NIBAN3: variants seen among roughly 807,000 people sequenced by gnomAD.
NIBAN3 encodes the protein niban apoptosis regulator 3.
A neutral mutation model predicts 76.4 loss-of-function variants in NIBAN3; 66 were observed. The observed-to-expected ratio is 0.86, with a 90% confidence interval of 0.71 to 1.06. NIBAN3 has a LOEUF of 1.06. Among genes scored for constraint, NIBAN3 ranks in the 50% least tolerant of loss-of-function variants. NIBAN3 has a pLI of 0.00. For missense variants in NIBAN3, 808 were observed against 810.7 expected (o/e 1.00, Z 0.04); for synonymous variants, 360 against 355.2 (o/e 1.01, Z -0.15).
In NIBAN3 at chr19:17,530,886, G is replaced by T; in HGVS notation, c.186+1G>T. The T allele has an allele frequency of 6.2e-7, 1 of 1,612,764 alleles. No homozygotes were observed. The highest frequency in any genetic ancestry group is 8.5e-7 in the Non-Finnish European group (1 of 1,179,580). ...CGGAAGCCAGTTGCTACGCAGCAAA[G>T]TGGGTGTTGTGGGGGCAGAGGACGT... On this transcript the variant is annotated splice_donor_variant, in intron 2 of 14. Coordinates refer to ENST00000599164, the MANE Select transcript of NIBAN3 (RefSeq NM_001321827.2). LOFTEE classifies it high-confidence loss of function.
At chr19:17,530,531 CAAAAAAAAAAAAAAAA>C (rs558680407) in intron 1 of NIBAN3, among the ~76,000 whole-genome samples, 2 of 46,362 alleles carry the variant, frequency 4.3e-5, no homozygotes, top group Non-Finnish European at 9.1e-5. Flanking sequence ...GACTCCATCT[CAAAAAAAAAAAAAAAA>C]AAAAAAAAAA....
Position 17,530,887 on chromosome 19 carries a change from T to G in NIBAN3, c.186+2T>G. 1 of 1,612,384 alleles carries G rather than the reference T, an allele frequency of 6.2e-7. No individual in the cohort carries two copies. Among genetic ancestry groups the G allele is most frequent in the East Asian group, 2.2e-5 (1 of 44,746 alleles). On this transcript the variant is annotated splice_donor_variant, in intron 2 of 14. Transcript: ENST00000599164. LOFTEE classifies it high-confidence loss of function. ...GGAAGCCAGTTGCTACGCAGCAAAG[T>G]GGGTGTTGTGGGGGCAGAGGACGTT...
At chr19:17,541,680 T>G (rs1331120207) in intron 9 of NIBAN3, among the ~76,000 whole-genome samples, 1 of 148,304 alleles carries the variant, frequency 6.7e-6, no homozygotes, top group East Asian at 1.9e-4. Context: ...TTATTTTATT[T>G]TATTTTATTT....
At chr19:17,536,158 T>A (rs186126953) in intron 4 of NIBAN3, among the ~76,000 whole-genome samples, 2 of 152,294 alleles carry the variant, frequency 1.3e-5, no homozygotes, top group Non-Finnish European at 2.9e-5. Flanking sequence ...AGCTTCCACC[T>A]TCTGGACTAT....
chr19:17,526,508 G>GT (rs756055200), upstream of NIBAN3, among the ~76,000 whole-genome samples: 91 of 151,270 alleles, frequency 6.0e-4, no homozygotes, highest in Non-Finnish European at 7.7e-4. Flanking sequence ...AGCCAGGCAT[G>GT]GTGGTGGCGT....
chr19:17,525,323 CTCCG>C (rs372652099), upstream of NIBAN3, among the ~76,000 whole-genome samples: 1,370 of 147,510 alleles, frequency 9.3e-3, 21 homozygotes, highest in African/African-American at 0.033. Context: ...CCCTCCCTCC[CTCCG>C]TCCCTCCCTT....
chr19:17,528,761 C>T (rs924379394), intron 1 of NIBAN3, among the ~76,000 whole-genome samples: 5 of 152,160 alleles, frequency 3.3e-5, no homozygotes, highest in Non-Finnish European at 7.3e-5. Flanking sequence ...CTTCTGTGCC[C>T]AAGGTGACCT....
At chr19:17,533,518 G>A in intron 3 of NIBAN3, 69 bp from the exon 4 acceptor site, 1 of 1,016,980 alleles carries the variant, frequency 9.8e-7, no homozygotes, top group South Asian at 1.4e-5. Flanking sequence ...TTCCCTTGAT[G>A]GTATAGTTGG....
intron 2 of NIBAN3, among the ~76,000 whole-genome samples, chr19:17,531,821 C>T (rs1019760961): frequency 6.6e-6 from 1 of 152,190 alleles, no homozygotes; most frequent in Admixed American, 6.5e-5. Flanking sequence ...AGCGTGAGCG[C>T]CTGGCCTCCA....
chr19:17,539,484 C>T, intron 7 of NIBAN3, 33 bp downstream of exon 7: 2 of 1,455,426 alleles, frequency 1.4e-6, no homozygotes, highest in South Asian at 1.4e-5. Flanking sequence ...GGATAGGGGG[C>T]GGGATGCGGG....
Position 17,552,142 on chromosome 19 carries a change from G to C in NIBAN3, c.*244G>C. On this transcript the variant is annotated 3_prime_UTR_variant, in exon 15 of 15. Transcript: ENST00000599164. ...CACCCGGGCTGGAGTGCAGTGGCAGGATCTCGGCTCACTGCAACCTCCGCC... is the reference window on the plus strand; with the variant it reads ...CACCCGGGCTGGAGTGCAGTGGCAGCATCTCGGCTCACTGCAACCTCCGCC... 1 of 253,536 alleles carries C rather than the reference G, an allele frequency of 3.9e-6. No homozygotes were observed. The highest frequency in any genetic ancestry group is 5.5e-5 in the Admixed American group (1 of 18,118). 15.7% of individuals were successfully genotyped at this position (253,536 alleles called of 1,614,324 possible). A position where few individuals can be genotyped will look rare whatever the true frequency, so the allele number is the denominator to read the frequency against.
rs1398482269 is a variant in NIBAN3 at position 17,552,172 on chromosome 19, G to A, written c.*274G>A. The A allele has an allele frequency of 6.9e-5, 14 of 202,394 alleles. No individual in the cohort carries two copies. Among genetic ancestry groups the A allele is most frequent in the Middle Eastern group, 1.8e-3 (1 of 564 alleles). 12.5% of individuals were successfully genotyped at this position (202,394 alleles called of 1,614,324 possible). ...CGGCTCACTGCAACCTCCGCCTCCC[G>A]GGTTCAAGCGATTCTCCTGCCTCAG... On this transcript the variant is annotated 3_prime_UTR_variant, in exon 15 of 15. Transcript: ENST00000599164.
At chr19:17,545,253 G>C (rs1010788413) in intron 12 of NIBAN3, 8 of 155,108 alleles carry the variant, frequency 5.2e-5, no homozygotes, top group African/African-American at 2.0e-4. Flanking sequence ...CCAGGCTGTA[G>C]TGCAGTGGTG....
At chr19:17,532,467 A>C (rs977918145) in intron 3 of NIBAN3, 79 bp downstream of exon 3, 41 of 1,593,384 alleles carry the variant, frequency 2.6e-5, no homozygotes, top group Non-Finnish European at 3.3e-5. Flanking sequence ...TGTGGGATCC[A>C]TATCTCAGCA....
At position 17,533,577 on chromosome 19, in the gene NIBAN3, C is replaced by G. The variant is rs1409121595; in HGVS notation, c.313-10C>G. The G allele has an allele frequency of 1.9e-6, 3 of 1,605,740 alleles. No individual in the cohort carries two copies. The Admixed American group carries it at 5.0e-5, about 27-fold the overall frequency. On this transcript the variant is annotated splice_polypyrimidine_tract_variant and intron_variant, in intron 3 of 14. Transcript: ENST00000599164. ...CTGTCCCAGGTTGGTTCTCTGGGTA[C>G]CTTTTGTAGGAATATGAAAACGGGG...
At chr19:17,523,862 C>A (rs2075580513), upstream of NIBAN3, among the ~76,000 whole-genome samples, 1 of 152,184 alleles carries the variant, frequency 6.6e-6, no homozygotes, top group Non-Finnish European at 1.5e-5. Context: ...TATCTCCTTT[C>A]CTGCAGCTTT....
chr19:17,533,683 C>T lies in NIBAN3; in HGVS notation c.409C>T (p.Leu137Phe). Reference sequence around the variant, plus strand: ...AGAATATCTCCGCCTTTTGGATGCTCTCTGCCCTGAATCCTTGGGTAAGGG... The same window carrying T: ...AGAATATCTCCGCCTTTTGGATGCTTTCTGCCCTGAATCCTTGGGTAAGGG... ...QREYLRLLDA[L>F]CPESLGDHTQ... Residue 137 changes from leucine (L) to phenylalanine (F), a missense_variant, in exon 4 of 15, where the codon CTC (leucine) becomes TTC (phenylalanine). By Grantham distance (22) the Leu-to-Phe change is conservative (BLOSUM62 0). Coordinates refer to ENST00000599164, the MANE Select transcript of NIBAN3 (RefSeq NM_001321827.2). 1.2e-6 allele frequency: 2 copies of T among 1,613,778 alleles called. No individual in the cohort carries two copies. Among genetic ancestry groups the T allele is most frequent in the South Asian group, 1.1e-5 (1 of 91,060 alleles).
intron 1 of NIBAN3, among the ~76,000 whole-genome samples, chr19:17,528,299 C>G (rs1016321649): frequency 6.6e-6 from 1 of 151,976 alleles, no homozygotes; most frequent in Non-Finnish European, 1.5e-5. Context: ...ACCATTTTGG[C>G]CAGGTTGGTC....
chr19:17,540,362 G>A, intron 8 of NIBAN3, 30 bp from the exon 9 acceptor site: 2 of 1,410,904 alleles, frequency 1.4e-6, no homozygotes, highest in African/African-American at 1.5e-5. Flanking sequence ...CTTGCGGAGG[G>A]GACTCCAGAC....
Sources: gnomAD v4.1 joint callset for allele counts (sites outside exome capture counted in the v4.1 genomes callset) on GRCh38, gnomAD v4.1.1 for gene constraint, MANE v1.5 for transcripts, NCBI Gene and HGNC (gene_info 2026-07-23, HGNC 2026-07-21) for gene names.